CD2AP: variants seen among roughly 807,000 people sequenced by gnomAD.
The protein encoded by CD2AP is CD2-associated protein.
CD2AP carries 46 observed loss-of-function variants against 85.1 expected under a neutral mutation model. That is an observed-to-expected ratio of 0.54 (90% CI 0.43 to 0.69). The LOEUF is 0.69. Ranked by LOEUF, CD2AP falls within the 30% of genes least tolerant of loss-of-function variation. The pLI is 0.00. For missense variants in CD2AP, 769 were observed against 729.5 expected (o/e 1.05, Z -0.62); for synonymous variants, 255 against 252.9 (o/e 1.01, Z -0.08).
intron 11 of CD2AP, among the ~76,000 whole-genome samples, chr6:47,582,795 G>GT (rs146539285): frequency 0.046 from 4,170 of 91,336 alleles, 97 homozygotes; most frequent in African/African-American, 0.092. Context: ...TTTTTGTTTT[G>GT]TTTTTTTTTT....
At chr6:47,530,710 A>G (rs1233282832) in intron 2 of CD2AP, among the ~76,000 whole-genome samples, 2 of 152,212 alleles carry the variant, frequency 1.3e-5, no homozygotes, top group African/African-American at 4.8e-5. Context: ...TAACATTTGT[A>G]TGCCTAGCTG....
intron 12 of CD2AP, 141 bp from the exon 13 acceptor site, chr6:47,599,160 G>A: frequency 1.6e-6 from 1 of 619,158 alleles, no homozygotes; most frequent in Non-Finnish European, 2.9e-6. Context: ...TTAGGAGAGA[G>A]TTTTGCGTTT....
intron 4 of CD2AP, among the ~76,000 whole-genome samples, chr6:47,545,323 A>G (rs1333598782): frequency 1.3e-5 from 2 of 152,070 alleles, no homozygotes; most frequent in African/African-American, 4.8e-5. Flanking sequence ...CCTGGGAGAC[A>G]CCCCAAATGC....
At chr6:47,544,733 A>T (rs1582540347) in intron 4 of CD2AP, 27 bp downstream of exon 4, 1 of 1,281,994 alleles carries the variant, frequency 7.8e-7, no homozygotes, top group Non-Finnish European at 1.1e-6. Context: ...TTACAGGTAA[A>T]ACAGTAATGG....
rs984943826 is a variant in CD2AP at position 47,607,724 on chromosome 6, A to G, written c.1531-203A>G. 8.1e-6 allele frequency: 4 copies of G among 492,058 alleles called. 1 individual carries two copies. Among genetic ancestry groups the G allele is most frequent in the South Asian group, 5.7e-5 (2 of 34,818 alleles). The allele number at this position is 492,058 out of a possible 1,614,324, so 30.5% of individuals were successfully genotyped here. A position where few individuals can be genotyped will look rare whatever the true frequency, so the allele number is the denominator to read the frequency against. On this transcript the variant is annotated intron_variant, in intron 14 of 17. Coordinates refer to ENST00000359314, the MANE Select transcript of CD2AP (RefSeq NM_012120.3). Reference sequence around the variant, plus strand: ...CTAAATGGAGAAAATCCTTACTGCTAAGAGGCAAGCTGTTTTTGCCCTCAA... The same window carrying G: ...CTAAATGGAGAAAATCCTTACTGCTGAGAGGCAAGCTGTTTTTGCCCTCAA...
At chr6:47,521,380 C>T (rs1010436299) in intron 2 of CD2AP, among the ~76,000 whole-genome samples, 21 of 151,978 alleles carry the variant, frequency 1.4e-4, no homozygotes, top group African/African-American at 3.6e-4. Context: ...GGTGAAACCC[C>T]GTCTCTACTA....
rs1360128185 is a variant in CD2AP, at chr6:47,579,404, G to C, written c.923G>C (p.Trp308Ser). ...LISKETGEAGWWRGELNGKEG... is the reference protein window; with the variant it reads ...LISKETGEAGSWRGELNGKEG... ...TTTTAGGAGACTGGAGAAGCTGGCT[G>C]GTGGAGGGGCGAACTTAATGGTAAA... Residue 308 changes from tryptophan (W) to serine (S), a missense_variant, in exon 9 of 18, where the codon TGG becomes TCG. Coordinates refer to ENST00000359314, the MANE Select transcript of CD2AP (RefSeq NM_012120.3). The C allele has an allele frequency of 6.2e-7, 1 of 1,610,780 alleles. No homozygotes were observed.
intron 4 of CD2AP, among the ~76,000 whole-genome samples, chr6:47,547,609 A>G (rs1306876636): frequency 6.6e-6 from 1 of 152,178 alleles, no homozygotes; most frequent in East Asian, 1.9e-4. Flanking sequence ...TGACAGCATT[A>G]GACAGGTCAT....
intron 5 of CD2AP, among the ~76,000 whole-genome samples, chr6:47,568,820 C>A (rs183617912): frequency 5.3e-5 from 8 of 152,156 alleles, no homozygotes; most frequent in Non-Finnish European, 7.4e-5. Context: ...AAGAAAAAAA[C>A]TAAAGACCCT....
intron 11 of CD2AP, among the ~76,000 whole-genome samples, chr6:47,594,184 G>A (rs1768874605): frequency 6.6e-6 from 1 of 152,034 alleles, no homozygotes; most frequent in African/African-American, 2.4e-5. Flanking sequence ...TGTTTTAGAA[G>A]TAGATAAAGG....
chr6:47,611,188 A>G (rs929762947), intron 16 of CD2AP, among the ~76,000 whole-genome samples: 3 of 151,196 alleles, frequency 2.0e-5, no homozygotes, highest in Admixed American at 2.0e-4. Context: ...TTCAACATCA[A>G]TATGAATTAA....
intron 3 of CD2AP, among the ~76,000 whole-genome samples, chr6:47,543,508 G>A (rs1406284768): frequency 1.3e-5 from 2 of 152,140 alleles, no homozygotes; most frequent in African/African-American, 2.4e-5. Flanking sequence ...AGTTTTGGAC[G>A]ATTAGAAGTC....
In CD2AP at chr6:47,567,984, A is replaced by T. The variant is rs554862735; in HGVS notation, c.542-6080A>T. ...TGAGAATGTTTTGATAATGAGGTAG[A>T]ATTAGCCTAAACTAGAGGAGTGCTA... On this transcript the variant is annotated intron_variant, in intron 5 of 17. Transcript: ENST00000359314. Among the ~76,000 whole-genome samples the T allele has an allele frequency of 1.2e-4, 19 of 152,316 alleles. No homozygotes were observed. In the South Asian group the frequency reaches 3.9e-3, roughly 32 times the overall value.
At chr6:47,561,051 GTAT>G (rs1002543830) in intron 5 of CD2AP, among the ~76,000 whole-genome samples, 9 of 152,098 alleles carry the variant, frequency 5.9e-5, no homozygotes, top group African/African-American at 1.9e-4. Flanking sequence ...TCTATTACCA[GTAT>G]TATTTATTTT....
intron 9 of CD2AP, 142 bp from the exon 10 acceptor site, chr6:47,580,722 G>A (rs866480645): frequency 4.7e-6 from 3 of 633,566 alleles, no homozygotes; most frequent in East Asian, 2.8e-5. Context: ...TAGTTTTTAC[G>A]ATCTTAGCAT....
chr6:47,483,856 A>G (rs1223184035), intron 1 of CD2AP, among the ~76,000 whole-genome samples: 1 of 150,482 alleles, frequency 6.6e-6, no homozygotes, highest in Non-Finnish European at 1.5e-5. Context: ...TTCATACCCA[A>G]TGTGAAGCAG....
chr6:47,508,552 T>G (rs1198392020), intron 2 of CD2AP, among the ~76,000 whole-genome samples: 16 of 148,414 alleles, frequency 1.1e-4, no homozygotes, highest in Non-Finnish European at 2.2e-4. Context: ...TTTTGTTTTT[T>G]TTTTTTTTTT....
chr6:47,493,330 C>T (rs1285289648), intron 1 of CD2AP, among the ~76,000 whole-genome samples: 2 of 146,242 alleles, frequency 1.4e-5, no homozygotes, highest in Admixed American at 6.9e-5. Flanking sequence ...GATAATTTTA[C>T]TAGATACAGA....
chr6:47,589,468 A>G (rs577174924), intron 11 of CD2AP, among the ~76,000 whole-genome samples: 1 of 151,068 alleles, frequency 6.6e-6, no homozygotes, highest in East Asian at 1.9e-4. Context: ...ACATATATAC[A>G]CACACATATA....
Sources: allele counts gnomAD v4.1 joint callset (sites outside exome capture counted in the v4.1 genomes callset), GRCh38; gene constraint gnomAD v4.1.1; transcripts MANE v1.5; gene names NCBI Gene and HGNC (gene_info 2026-07-23, HGNC 2026-07-21).